Variants in DAZAP1 observed in about 807,000 individuals in gnomAD.
The protein encoded by DAZAP1 is DAZ-associated protein 1.
DAZAP1 carries 6 observed loss-of-function variants against 60.1 expected under a neutral mutation model. The ratio of observed to expected loss-of-function variants is 0.10; its 90% confidence interval spans 0.05 to 0.20. The LOEUF (loss-of-function observed/expected upper bound fraction) is 0.20. Among genes scored for constraint, DAZAP1 ranks in the 10% least tolerant of loss-of-function variants. DAZAP1 has a pLI of 1.00. For missense variants in DAZAP1, 366 were observed against 560.4 expected (o/e 0.65, Z 3.50); for synonymous variants, 235 against 215.9 (o/e 1.09, Z -0.78).
rs990372018 is a variant in DAZAP1, at chr19:1,432,300, G to C, written c.872-214G>C. 3 of 586,100 alleles carry C rather than the reference G, an allele frequency of 5.1e-6. No homozygotes were observed. Among genetic ancestry groups the C allele is most frequent in the Non-Finnish European group, 9.0e-6 (3 of 331,762 alleles). The allele number at this position is 586,100 out of a possible 1,614,324, so 36.3% of individuals were successfully genotyped here. A position where few individuals can be genotyped will look rare whatever the true frequency, so the allele number is the denominator to read the frequency against. ...TGGCCCTGCTGCAGCTCAGCATCCC[G>C]CCACGCTCCCAGGAGTGTGTGTTTC... On this transcript the variant is annotated intron_variant, in intron 10 of 11. Transcript: ENST00000233078. The surrounding 1 kb of genome is among the most constrained non-coding windows in gnomAD (Gnocchi z 4.9).
intron 10 of DAZAP1, among the ~76,000 whole-genome samples, chr19:1,431,251 C>T (rs141492821): frequency 0.019 from 2,812 of 151,788 alleles, 112 homozygotes; most frequent in African/African-American, 0.066. Context: ...ACCTCAGTCT[C>T]CTGAGTAGCT....
intron 4 of DAZAP1, among the ~76,000 whole-genome samples, chr19:1,419,605 C>T (rs1232283269): frequency 1.3e-5 from 2 of 152,218 alleles, no homozygotes; most frequent in Admixed American, 6.5e-5. Flanking sequence ...AAGTGTCTCT[C>T]ATAGCTGGTT....
Position 1,421,275 on chromosome 19 carries a change from C to A in DAZAP1, c.414+17C>A. The A allele has an allele frequency of 6.3e-7, 1 of 1,596,832 alleles. No homozygotes were observed. Among genetic ancestry groups the A allele is most frequent in the Non-Finnish European group, 8.6e-7 (1 of 1,164,544 alleles). On this transcript the variant is annotated intron_variant, in intron 5 of 11. Coordinates refer to ENST00000233078, the MANE Select transcript of DAZAP1 (RefSeq NM_018959.4). ...TTCGGAGTGGTGAGTTTCTCCCCAC[C>A]CCGGCAGCACTGTGGGGACAGAGCC...
intron 4 of DAZAP1, among the ~76,000 whole-genome samples, chr19:1,420,484 G>GAA (rs1336006438): frequency 2.1e-5 from 3 of 140,964 alleles, no homozygotes; most frequent in Non-Finnish European, 4.7e-5. Context: ...CTTGGATAGG[G>GAA]AAAAAAAAAA....
At position 1,407,662 on chromosome 19, in the gene DAZAP1, GT is replaced by G; in HGVS notation, c.-110del. On this transcript the variant is annotated 5_prime_UTR_variant, in exon 1 of 12. Coordinates refer to ENST00000233078, the MANE Select transcript of DAZAP1 (RefSeq NM_018959.4). ...CGCCGCCGCCGCCGCCGCCGCCGCC[GT>G]TGCGCAGATCCGGGCCGCGGCTGTG... The G allele has an allele frequency of 1.4e-5, 13 of 957,116 alleles. No homozygotes were observed. The highest frequency in any genetic ancestry group is 5.5e-5 in the African/African-American group (3 of 54,926). The allele number at this position is 957,116 out of a possible 1,614,324, so 59.3% of individuals were successfully genotyped here. A position where few individuals can be genotyped will look rare whatever the true frequency, so the allele number is the denominator to read the frequency against.
At chr19:1,415,130 C>G (rs187524146) in intron 1 of DAZAP1, among the ~76,000 whole-genome samples, 1 of 152,104 alleles carries the variant, frequency 6.6e-6, no homozygotes, top group Non-Finnish European at 1.5e-5. Context: ...CTCAGCTGAG[C>G]GTTTCTAGCC....
Position 1,422,279 on chromosome 19 carries a change from C to T in DAZAP1, c.415-69C>T. 1.4e-6 allele frequency: 2 copies of T among 1,443,842 alleles called. No homozygotes were observed. The highest frequency in any genetic ancestry group is 1.9e-6 in the Non-Finnish European group (2 of 1,028,142). 89.4% of individuals were successfully genotyped at this position (1,443,842 alleles called of 1,614,324 possible). On this transcript the variant is annotated intron_variant, in intron 5 of 11. Coordinates refer to ENST00000233078, the MANE Select transcript of DAZAP1 (RefSeq NM_018959.4). This position sits in a 1 kb window ranked among gnomAD's most constrained non-coding sequence, Gnocchi z 4.5. Reference sequence around the variant, plus strand: ...GAGAGTTTGGGTTCGTGGGAACAGGCTGTGCCCTCGGAAGACCACCTGTGG... The same window carrying T: ...GAGAGTTTGGGTTCGTGGGAACAGGTTGTGCCCTCGGAAGACCACCTGTGG...
chr19:1,417,585 A>G, intron 2 of DAZAP1, 45 bp downstream of exon 2: 2 of 1,558,760 alleles, frequency 1.3e-6, no homozygotes, highest in Non-Finnish European at 1.7e-6. Flanking sequence ...GATGGGCTCT[A>G]GGACCTCGGC....
Position 1,432,825 on chromosome 19 carries a change from G to T in DAZAP1, c.1048+135G>T, listed in dbSNP as rs1246168712. 9.3e-7 allele frequency: 1 copy of T among 1,076,222 alleles called. No individual in the cohort carries two copies. Among genetic ancestry groups the T allele is most frequent in the East Asian group, 2.6e-5 (1 of 39,194 alleles). 66.7% of individuals were successfully genotyped at this position (1,076,222 alleles called of 1,614,324 possible). A position where few individuals can be genotyped will look rare whatever the true frequency, so the allele number is the denominator to read the frequency against. On this transcript the variant is annotated intron_variant, in intron 11 of 11. Coordinates refer to ENST00000233078, the MANE Select transcript of DAZAP1 (RefSeq NM_018959.4). The surrounding 1 kb of genome is among the most constrained non-coding windows in gnomAD (Gnocchi z 4.9). ...GGAAAGGGGAGAGGGAGGAGAGGGG[G>T]GTGTGGGGGTTGTTGGAGAGATCTC...
intron 1 of DAZAP1, 112 bp from the exon 2 acceptor site, chr19:1,417,388 G>C: frequency 8.2e-7 from 1 of 1,222,562 alleles, no homozygotes; most frequent in Non-Finnish European, 1.2e-6. Flanking sequence ...GCACAAGGAC[G>C]TTTGCGTCAG....
rs952992775 is a variant in DAZAP1 at position 1,410,532 on chromosome 19, G to A, written c.29+2730G>A. ...CCGAGTCTCCAGTGTGCCCTCCCTG[G>A]CCTTGTGAAGTCATCTTAAAGTCTG... On this transcript the variant is annotated intron_variant, in intron 1 of 11. Transcript: ENST00000233078. Among the ~76,000 whole-genome samples the A allele has an allele frequency of 4.6e-5, 7 of 152,336 alleles. No individual in the cohort carries two copies. In the South Asian group the frequency reaches 6.2e-4, roughly 14 times the overall value.
At chr19:1,430,116 A>C (rs1172185018) in intron 9 of DAZAP1, 106 bp from the exon 10 acceptor site, 22 of 1,555,360 alleles carry the variant, frequency 1.4e-5, no homozygotes, top group Non-Finnish European at 1.9e-5. Flanking sequence ...GGAGAGGAAG[A>C]GAGGGTGAGG....
rs2083186077 is a variant in DAZAP1, at chr19:1,422,481, G to A, written c.463+85G>A. ...TATCTCACCCGCCAGGCACACACAG[G>A]TGGCGGCTGTAGCAAACAGCCTCAG... On this transcript the variant is annotated intron_variant, in intron 6 of 11. Transcript: ENST00000233078. The surrounding 1 kb of genome is among the most constrained non-coding windows in gnomAD (Gnocchi z 4.5). 5.2e-6 allele frequency: 7 copies of A among 1,351,184 alleles called. No homozygotes were observed. Among genetic ancestry groups the A allele is most frequent in the Non-Finnish European group, 7.4e-6 (7 of 952,014 alleles). The allele number at this position is 1,351,184 out of a possible 1,614,324, so 83.7% of individuals were successfully genotyped here.
rs879275208 is a variant in DAZAP1, at chr19:1,432,749, G to A, written c.1048+59G>A. The A allele has an allele frequency of 3.6e-5, 55 of 1,508,174 alleles. No individual in the cohort carries two copies. The Admixed American group carries it at 1.1e-3, about 31-fold the overall frequency. 93.4% of individuals were successfully genotyped at this position (1,508,174 alleles called of 1,614,324 possible). On this transcript the variant is annotated intron_variant, in intron 11 of 11. Transcript: ENST00000233078. The surrounding 1 kb of genome is among the most constrained non-coding windows in gnomAD (Gnocchi z 4.9). ...GGCCCCAGGACCCTGGGCACGGCCT[G>A]CCTTCTTCTGCTTCCTCCCCTGCTG...
Position 1,430,270 on chromosome 19 carries a change from C to CCCCCGCA in DAZAP1, c.779_780insCCCCGCA (p.Phe262AlafsTer167). On this transcript the variant is annotated frameshift_variant, in exon 10 of 12. Coordinates refer to ENST00000233078, the MANE Select transcript of DAZAP1 (RefSeq NM_018959.4). LOFTEE classifies it high-confidence loss of function. ...GGAAGAGGAGCCCCCCCGCCACCCC[C>CCCCCGCA]ACCGTTCACCTCCTACATCGTGTCC... 1 of 1,368,654 alleles carries CCCCCGCA rather than the reference C, an allele frequency of 7.3e-7. No individual in the cohort carries two copies. Among genetic ancestry groups the CCCCCGCA allele is most frequent in the Non-Finnish European group, 1.0e-6 (1 of 979,208 alleles). 84.8% of individuals were successfully genotyped at this position (1,368,654 alleles called of 1,614,324 possible).
intron 10 of DAZAP1, 110 bp downstream of exon 10, chr19:1,430,472 G>C (rs1319479048): frequency 4.7e-6 from 5 of 1,069,942 alleles, no homozygotes; most frequent in Non-Finnish European, 6.4e-6. Flanking sequence ...AGCCACAGGT[G>C]GGGTGCCGGC....
In DAZAP1 at chr19:1,433,903, C is replaced by A; in HGVS notation, c.1049-834C>A. 1 of 1,375,088 alleles carries A rather than the reference C, an allele frequency of 7.3e-7. No individual in the cohort carries two copies. Among genetic ancestry groups the A allele is most frequent in the Non-Finnish European group, 1.0e-6 (1 of 969,216 alleles). 85.2% of individuals were successfully genotyped at this position (1,375,088 alleles called of 1,614,324 possible). A position where few individuals can be genotyped will look rare whatever the true frequency, so the allele number is the denominator to read the frequency against. On this transcript the variant is annotated intron_variant, in intron 11 of 11. Coordinates refer to ENST00000233078, the MANE Select transcript of DAZAP1 (RefSeq NM_018959.4). The surrounding 1 kb of genome is among the most constrained non-coding windows in gnomAD (Gnocchi z 6.1). ...GTGGACGTGGCTTCCTCTGCCGTCC[C>A]GGGCGGGGGTGGACGCTGGCGGTGC... is the stretch of plus-strand genomic sequence containing the variant.
chr19:1,422,514 C>T lies in DAZAP1; in HGVS notation c.463+118C>T, dbSNP rs756624434. 3.2e-5 allele frequency: 28 copies of T among 888,066 alleles called. No individual in the cohort carries two copies. Among genetic ancestry groups the T allele is most frequent in the South Asian group, 7.7e-5 (5 of 65,070 alleles). 55.0% of individuals were successfully genotyped at this position (888,066 alleles called of 1,614,324 possible). On this transcript the variant is annotated intron_variant, in intron 6 of 11. Coordinates refer to ENST00000233078, the MANE Select transcript of DAZAP1 (RefSeq NM_018959.4). The surrounding 1 kb of genome is among the most constrained non-coding windows in gnomAD (Gnocchi z 4.5). ...TGTAGCAAACAGCCTCAGGAAGGGA[C>T]GATTTGGAGACAAATGACTAAAACG...
intron 4 of DAZAP1, among the ~76,000 whole-genome samples, chr19:1,420,352 C>T (rs112072014): frequency 4.2e-4 from 61 of 145,604 alleles, no homozygotes; most frequent in African/African-American, 1.5e-3. Flanking sequence ...GTCACGGCGG[C>T]GAGCACTCAC....
Sources: allele counts gnomAD v4.1 joint callset (sites outside exome capture counted in the v4.1 genomes callset), GRCh38; gene constraint gnomAD v4.1.1; non-coding constraint Gnocchi (gnomAD v3.1); transcripts MANE v1.5; gene names NCBI Gene and HGNC (gene_info 2026-07-23, HGNC 2026-07-21).